Variants in OR51B5 observed in about 807,000 individuals in gnomAD.
OR51B5 encodes the protein olfactory receptor family 51 subfamily B member 5, also known as olfactory receptor 51B5.
For synonymous variants in OR51B5, 186 were observed against 144.8 expected, an observed-to-expected ratio of 1.28 and a Z score of -2.04; for missense variants, 456 against 374.6, an observed-to-expected ratio of 1.22 and a Z score of -1.79.
intron 1 of OR51B5, among the ~76,000 whole-genome samples, chr11:5,492,425 CTCT>C (rs1374966624): frequency 3.3e-5 from 5 of 152,088 alleles, no homozygotes; most frequent in Admixed American, 6.5e-5. Context: ...ACTCAATTTG[CTCT>C]TATTATAAAT....
At chr11:5,360,434 C>T (rs1169629218) in intron 1 of OR51B5, among the ~76,000 whole-genome samples, 1 of 151,300 alleles carries the variant, frequency 6.6e-6, no homozygotes, top group Non-Finnish European at 1.5e-5. Context: ...ATCAAAACCA[C>T]AGTGAGATAC....
At chr11:5,396,251 A>T (rs1156859825) in intron 1 of OR51B5, among the ~76,000 whole-genome samples, 1 of 152,242 alleles carries the variant, frequency 6.6e-6, no homozygotes, top group Non-Finnish European at 1.5e-5. Context: ...AATAAAAGGC[A>T]TTCAATTATG....
chr11:5,345,637 A>G (rs754766292), upstream of OR51B5: 1 of 152,134 alleles, frequency 6.6e-6, no homozygotes, highest in Non-Finnish European at 1.5e-5. Context: ...TTCTTGTCAC[A>G]TGCCAGAACA....
At chr11:5,439,030 T>C (rs1003242821) in intron 1 of OR51B5, among the ~76,000 whole-genome samples, 1 of 152,120 alleles carries the variant, frequency 6.6e-6, no homozygotes, top group Non-Finnish European at 1.5e-5. Context: ...ACAGTGAAGT[T>C]CCATTGACAA....
chr11:5,365,640 T>C (rs1041417993), intron 1 of OR51B5, among the ~76,000 whole-genome samples: 2 of 152,248 alleles, frequency 1.3e-5, no homozygotes, highest in Non-Finnish European at 2.9e-5. Context: ...ACTACTGTCT[T>C]AACACACCTC....
chr11:5,354,531 A>G (rs2647597), intron 1 of OR51B5, among the ~76,000 whole-genome samples: 40,292 of 152,038 alleles, frequency 0.27, 5,589 homozygotes, highest in African/African-American at 0.31. Context: ...AGTCCCGTGA[A>G]ACAGAGCAGA....
intron 1 of OR51B5, chr11:5,430,879 G>C (rs567425758): frequency 2.2e-6 from 1 of 457,244 alleles, no homozygotes; most frequent in South Asian, 1.5e-5. Flanking sequence ...TGACACACAT[G>C]TGTTGAGAGC....
At chr11:5,397,214 T>G (rs576405763) in intron 1 of OR51B5, among the ~76,000 whole-genome samples, 7 of 152,234 alleles carry the variant, frequency 4.6e-5, no homozygotes, top group South Asian at 4.1e-4. Context: ...GGGATCTAAT[T>G]AAACTAAAGA....
intron 1 of OR51B5, among the ~76,000 whole-genome samples, chr11:5,483,183 AATG>A (rs1192325366): frequency 6.7e-6 from 1 of 150,290 alleles, no homozygotes; most frequent in Non-Finnish European, 1.5e-5. Flanking sequence ...AGCCATAAAA[AATG>A]ATGAGTTCAT....
chr11:5,475,019 T>G (rs2133803740), intron 1 of OR51B5, among the ~76,000 whole-genome samples: 1 of 152,324 alleles, frequency 6.6e-6, no homozygotes, highest in East Asian at 1.9e-4. Context: ...AATAGGTGTT[T>G]GACTTATGAA....
intron 1 of OR51B5, among the ~76,000 whole-genome samples, chr11:5,482,202 C>A (rs1436705726): frequency 1.0e-5 from 1 of 96,696 alleles, no homozygotes; most frequent in African/African-American, 4.9e-5. Flanking sequence ...AATAATGCCG[C>A]ATATCTACAA....
At chr11:5,407,347 A>G (rs1221545535) in intron 1 of OR51B5, among the ~76,000 whole-genome samples, 2 of 152,214 alleles carry the variant, frequency 1.3e-5, no homozygotes, top group African/African-American at 2.4e-5. Context: ...TGAGTTCCAC[A>G]TGGTATCATC....
chr11:5,343,294 G>T (rs1033766836), exon 1 of OR51B5: 1 of 1,612,010 alleles, frequency 6.2e-7, no homozygotes, highest in Non-Finnish European at 8.5e-7. Context: ...CCAGCACCGT[G>T]GGCATTGTGG....
At chr11:5,454,249 C>A in intron 1 of OR51B5, 1 of 1,614,152 alleles carries the variant, frequency 6.2e-7, no homozygotes, top group South Asian at 1.1e-5. Context: ...TTTTATGTGC[C>A]AATGATTGGG....
intron 1 of OR51B5, chr11:5,389,869 C>A (rs1202646283): frequency 6.2e-7 from 1 of 1,613,596 alleles, no homozygotes; most frequent in South Asian, 1.1e-5. Flanking sequence ...TCAGAGCAGG[C>A]CTAATTGTCA....
intron 1 of OR51B5, among the ~76,000 whole-genome samples, chr11:5,386,128 G>T (rs895721837): frequency 6.6e-6 from 1 of 152,036 alleles, no homozygotes; most frequent in Admixed American, 6.6e-5. Flanking sequence ...TAAAGGATCC[G>T]CAAGTGTTTA....
chr11:5,410,713 T>C (rs543694158), intron 1 of OR51B5, among the ~76,000 whole-genome samples: 2 of 152,324 alleles, frequency 1.3e-5, no homozygotes, highest in Non-Finnish European at 2.9e-5. Context: ...ATGTATGTTA[T>C]TGTCCAAAAG....
chr11:5,343,225 G>A (rs1289670941), exon 1 of OR51B5: 2 of 1,613,790 alleles, frequency 1.2e-6, no homozygotes, highest in East Asian at 2.2e-5. Context: ...AGTGTATAAA[G>A]TAGGCCTGGG....
At chr11:5,342,806 A>G (rs1368524318) in exon 1 of OR51B5, 1 of 1,613,654 alleles carries the variant, frequency 6.2e-7, no homozygotes, top group Non-Finnish European at 8.5e-7. Flanking sequence ...GATATGGGAG[A>G]CACAGGTAAT....
Sources: allele counts gnomAD v4.1 joint callset (sites outside exome capture counted in the v4.1 genomes callset), GRCh38; gene constraint gnomAD v4.1.1; transcripts MANE v1.5; gene names NCBI Gene and HGNC (gene_info 2026-07-23, HGNC 2026-07-21).